PDZD2: variants seen among roughly 807,000 people sequenced by gnomAD.
PDZD2 encodes the protein PDZ domain-containing protein 2.
PDZD2 carries 90 observed loss-of-function variants against 220.7 expected under a neutral mutation model. The observed-to-expected ratio is 0.41, with a 90% CI of 0.34 to 0.49. The LOEUF is 0.49. Ranked by LOEUF, PDZD2 falls within the 20% of genes least tolerant of loss-of-function variation. The probability of loss-of-function intolerance (pLI) is 0.28; values close to 1 mark genes in which losing one functional copy is unlikely to be tolerated. For synonymous variants in PDZD2, 1,375 were observed against 1,450.5 expected (o/e 0.95, Z 1.18); for missense variants, 3,174 against 3,608.5 (o/e 0.88, Z 3.08).
rs118091798 is a variant in PDZD2, at chr5:31,786,307, T to C, written c.-360-12582T>C. On this transcript the variant is annotated intron_variant, in intron 1 of 24. Coordinates refer to ENST00000438447, the MANE Select transcript of PDZD2 (RefSeq NM_178140.4). Reference sequence around the variant, plus strand: ...CTCAGTCTCCGCACAGTTTAGGCTCTTGCCAAATTCAAGAGGCTGTGGGGC... The same window carrying C: ...CTCAGTCTCCGCACAGTTTAGGCTCCTGCCAAATTCAAGAGGCTGTGGGGC... Among the ~76,000 whole-genome samples the C allele has an allele frequency of 2.3e-4, 35 of 152,302 alleles. No individual in the cohort carries two copies. The East Asian group carries it at 6.7e-3, about 29-fold the overall frequency.
At chr5:31,828,044 A>G (rs946095936) in intron 2 of PDZD2, among the ~76,000 whole-genome samples, 3 of 152,188 alleles carry the variant, frequency 2.0e-5, no homozygotes, top group South Asian at 2.1e-4. Flanking sequence ...ACTTTGTTAT[A>G]TTGCCAAATA....
At chr5:32,029,329 T>TAAAAAAAAAAAAAA (rs34025632) in intron 6 of PDZD2, among the ~76,000 whole-genome samples, 8 of 65,822 alleles carry the variant, frequency 1.2e-4, no homozygotes, top group Admixed American at 2.3e-4. Flanking sequence ...TCAAGAACTG[T>TAAAAAAAAAAAAAA]AAAAAAAAAA....
intron 1 of PDZD2, among the ~76,000 whole-genome samples, chr5:31,718,695 T>C (rs1053183642): frequency 3.9e-5 from 2 of 50,732 alleles, no homozygotes; most frequent in Non-Finnish European, 9.5e-5. Flanking sequence ...AACAGCCTCA[T>C]TTTTTTTTTT....
At chr5:31,696,603 C>T (rs1247454935) in intron 1 of PDZD2, among the ~76,000 whole-genome samples, 1 of 152,066 alleles carries the variant, frequency 6.6e-6, no homozygotes, top group Non-Finnish European at 1.5e-5. Context: ...TGCCTGGCCA[C>T]CTCTCCTTAA....
At chr5:31,643,109 GTGTGTTTGGAAGGCCCTCCA>G (rs1323025014) in intron 1 of PDZD2, among the ~76,000 whole-genome samples, 2 of 152,220 alleles carry the variant, frequency 1.3e-5, no homozygotes, top group African/African-American at 4.8e-5. Flanking sequence ...AGGTACTAAG[GTGTGTTTGGAAGGCCCTCCA>G]TGACCGCATC....
chr5:31,991,830 A>G (rs1271781504), intron 3 of PDZD2, among the ~76,000 whole-genome samples: 1 of 152,194 alleles, frequency 6.6e-6, no homozygotes, highest in Non-Finnish European at 1.5e-5. Context: ...GGAGTTCAAG[A>G]CCAGCCTGGC....
intron 17 of PDZD2, among the ~76,000 whole-genome samples, chr5:32,072,810 T>A (rs1581424515): frequency 6.6e-6 from 1 of 152,186 alleles, no homozygotes; most frequent in Non-Finnish European, 1.5e-5. Context: ...GGGTGGATGG[T>A]GGCTAAACCA....
At chr5:31,987,738 C>T (rs1267885539) in intron 3 of PDZD2, among the ~76,000 whole-genome samples, 1 of 152,194 alleles carries the variant, frequency 6.6e-6, no homozygotes, top group African/African-American at 2.4e-5. Context: ...CCAAAGTTTG[C>T]CCAAGCTGGA....
intron 2 of PDZD2, among the ~76,000 whole-genome samples, chr5:31,940,321 C>T (rs945603799): frequency 2.6e-5 from 4 of 152,154 alleles, no homozygotes; most frequent in Non-Finnish European, 5.9e-5. Context: ...AGATTGCCTT[C>T]GTTAAGCACA....
chr5:32,010,702 A>T (rs1753225154), intron 6 of PDZD2: 2 of 577,708 alleles, frequency 3.5e-6, no homozygotes, highest in East Asian at 7.8e-5. Flanking sequence ...AAACAAGATA[A>T]GCAACCCAGG....
intron 1 of PDZD2, among the ~76,000 whole-genome samples, chr5:31,655,555 G>T (rs1016056763): frequency 1.7e-4 from 4 of 24,030 alleles, no homozygotes; most frequent in African/African-American, 3.1e-4. Context: ...ATCTATGAGG[G>T]TATTTTTTTT....
intron 2 of PDZD2, among the ~76,000 whole-genome samples, chr5:31,966,122 C>T (rs1467486895): frequency 6.6e-6 from 1 of 152,126 alleles, no homozygotes; most frequent in Non-Finnish European, 1.5e-5. Flanking sequence ...AATCCCAGCT[C>T]TACTGTTTTC....
chr5:31,910,976 T>G (rs950818690), intron 2 of PDZD2, among the ~76,000 whole-genome samples: 2 of 152,220 alleles, frequency 1.3e-5, no homozygotes, highest in African/African-American at 4.8e-5. Flanking sequence ...TTTAAGCATC[T>G]AAAATTCCCA....
At chr5:32,036,501 T>G (rs1755568571) in intron 6 of PDZD2, among the ~76,000 whole-genome samples, 1 of 152,194 alleles carries the variant, frequency 6.6e-6, no homozygotes, top group African/African-American at 2.4e-5. Context: ...GGGGGTTTTG[T>G]TTTGTTTTTA....
chr5:31,704,936 G>A (rs112590706), intron 1 of PDZD2, among the ~76,000 whole-genome samples: 9 of 152,226 alleles, frequency 5.9e-5, no homozygotes, highest in South Asian at 2.1e-4. Flanking sequence ...CGAGGTGGGC[G>A]GGTCATTTGA....
At chr5:31,979,489 A>C (rs1310400918) in intron 2 of PDZD2, among the ~76,000 whole-genome samples, 1 of 151,780 alleles carries the variant, frequency 6.6e-6, no homozygotes, top group Non-Finnish European at 1.5e-5. Flanking sequence ...GTGAGGCAGG[A>C]GAACCCCTTG....
At chr5:31,809,184 T>C (rs1754927974) in intron 2 of PDZD2, among the ~76,000 whole-genome samples, 1 of 152,068 alleles carries the variant, frequency 6.6e-6, no homozygotes, top group Non-Finnish European at 1.5e-5. Context: ...CAGTGGGAGC[T>C]TGCTTTCCTC....
At chr5:31,788,682 T>TAAAA (rs1469630267) in intron 1 of PDZD2, among the ~76,000 whole-genome samples, 1 of 148,512 alleles carries the variant, frequency 6.7e-6, no homozygotes, top group African/African-American at 2.5e-5. Flanking sequence ...AATAAATAAA[T>TAAAA]TAAATAAATA....
chr5:31,780,514 C>T (rs1007198886), intron 1 of PDZD2, among the ~76,000 whole-genome samples: 5 of 152,118 alleles, frequency 3.3e-5, no homozygotes, highest in Non-Finnish European at 5.9e-5. Context: ...AAAGCGAAAG[C>T]CAGTGTCTAT....
Sources: allele counts gnomAD v4.1 joint callset (sites outside exome capture counted in the v4.1 genomes callset), GRCh38; gene constraint gnomAD v4.1.1; transcripts MANE v1.5; gene names NCBI Gene and HGNC (gene_info 2026-07-23, HGNC 2026-07-21).